MYO6: variants seen among roughly 807,000 people sequenced by gnomAD.
MYO6 encodes myosin VI.
Under a neutral mutation model 178.7 loss-of-function variants are expected in MYO6, and 74 were observed. The ratio of observed to expected loss-of-function variants is 0.41; its 90% CI spans 0.34 to 0.50. MYO6 has a LOEUF of 0.50. Among genes scored for constraint, MYO6 ranks in the 20% least tolerant of loss-of-function variants. The pLI is 0.09. For missense variants in MYO6, 1,330 were observed against 1,547.4 expected (o/e 0.86, Z 2.36); for synonymous variants, 477 against 504.6 (o/e 0.95, Z 0.73).
At chr6:75,908,409 T>C in intron 31 of MYO6, 87 bp from the exon 32 acceptor site, 5 of 1,309,232 alleles carry the variant, frequency 3.8e-6, no homozygotes, top group Non-Finnish European at 5.4e-6. Context: ...TAAAAAAATC[T>C]CCTTATGCGA....
Position 75,757,072 on chromosome 6 carries a change from AGT to A in MYO6, c.-48+7654_-48+7655del, listed in dbSNP as rs922407794. Among the ~76,000 whole-genome samples the A allele has an allele frequency of 3.5e-3, 510 of 144,176 alleles. 5 individuals are homozygous for A. The highest frequency in any genetic ancestry group is 0.013 in the African/African-American group (496 of 39,178). The allele number at this position is 144,176 out of a possible 152,430, so 94.6% of individuals were successfully genotyped here. A position where few individuals can be genotyped will look rare whatever the true frequency, so the allele number is the denominator to read the frequency against. ...TGTATATATGTATACACACATATATAGTGTGTATATATATGTATACGCAATAT... is the reference window on the plus strand; with the variant it reads ...TGTATATATGTATACACACATATATAGTGTATATATATGTATACGCAATAT... On this transcript the variant is annotated intron_variant, in intron 1 of 34. Coordinates refer to ENST00000369977, the MANE Select transcript of MYO6 (RefSeq NM_004999.4).
Position 75,915,064 on chromosome 6 carries a change from G to A in MYO6, c.*52G>A. ...GAGCCTTTGCCATGGTACTTAGGTA[G>A]GGTGTGTGCCCCCAGATTTAACCAT... On this transcript the variant is annotated 3_prime_UTR_variant, in exon 35 of 35. Coordinates refer to ENST00000369977, the MANE Select transcript of MYO6 (RefSeq NM_004999.4). 6.6e-7 allele frequency: 1 copy of A among 1,516,490 alleles called. No homozygotes were observed. Among genetic ancestry groups the A allele is most frequent in the South Asian group, 1.2e-5 (1 of 85,344 alleles). 93.9% of individuals were successfully genotyped at this position (1,516,490 alleles called of 1,614,324 possible). A position where few individuals can be genotyped will look rare whatever the true frequency, so the allele number is the denominator to read the frequency against.
chr6:75,865,581 T>G (rs1316882279), intron 16 of MYO6, among the ~76,000 whole-genome samples: 1 of 151,702 alleles, frequency 6.6e-6, no homozygotes, highest in Non-Finnish European at 1.5e-5. Context: ...CTCAGGCTGG[T>G]CTCAAACTCC....
chr6:75,766,023 G>A lies in MYO6; in HGVS notation c.-48+16600G>A, dbSNP rs1011760424. 3.3e-5 allele frequency among the ~76,000 whole-genome samples: 5 copies of A among 151,946 alleles called. No homozygotes were observed. The East Asian group carries it at 5.8e-4, about 18-fold the overall frequency. On this transcript the variant is annotated intron_variant, in intron 1 of 34. Transcript: ENST00000369977. Reference sequence around the variant, plus strand: ...AGCCTGGGCAACAGAGTGAGACTCCGTCTCAAAGAAAAAAGCAGGCTGGGC... The same window carrying A: ...AGCCTGGGCAACAGAGTGAGACTCCATCTCAAAGAAAAAAGCAGGCTGGGC...
intron 34 of MYO6, among the ~76,000 whole-genome samples, chr6:75,914,544 A>G (rs1781007271): frequency 6.6e-6 from 1 of 152,064 alleles, no homozygotes; most frequent in Non-Finnish European, 1.5e-5. Context: ...ATATCCATTG[A>G]TTTGTAGTGG....
At chr6:75,887,510 G>A (rs12215965) in intron 25 of MYO6, among the ~76,000 whole-genome samples, 19,695 of 151,570 alleles carry the variant, frequency 0.13, 1,358 homozygotes, top group Non-Finnish European at 0.15. Flanking sequence ...GTGTGGTGGC[G>A]TGCACCTGTA....
At chr6:75,852,439 A>G (rs774584634) in intron 11 of MYO6, among the ~76,000 whole-genome samples, 5 of 152,136 alleles carry the variant, frequency 3.3e-5, no homozygotes, top group Non-Finnish European at 7.4e-5. Context: ...TTGTGCAACC[A>G]TCACCATAGA....
chr6:75,797,339 CG>C (rs1768968999), intron 1 of MYO6, among the ~76,000 whole-genome samples: 1 of 151,784 alleles, frequency 6.6e-6, no homozygotes, highest in South Asian at 2.1e-4. Context: ...GTGATCCACC[CG>C]CCTTGGCCTC....
intron 1 of MYO6, among the ~76,000 whole-genome samples, chr6:75,751,778 CTT>C (rs1776918439): frequency 6.6e-6 from 1 of 151,906 alleles, no homozygotes. Flanking sequence ...GTTTTAAAGA[CTT>C]TGACCATGTG....
intron 1 of MYO6, among the ~76,000 whole-genome samples, chr6:75,789,367 A>G (rs963287242): frequency 1.3e-5 from 2 of 152,218 alleles, no homozygotes; most frequent in African/African-American, 4.8e-5. Flanking sequence ...TCCTCATAAC[A>G]GGTTTCATGT....
intron 16 of MYO6, among the ~76,000 whole-genome samples, chr6:75,865,075 T>C (rs936170265): frequency 6.6e-6 from 1 of 152,098 alleles, no homozygotes; most frequent in South Asian, 2.1e-4. Context: ...AGCAAGCCTC[T>C]AAGGTTCCCA....
chr6:75,876,715 T>A (rs1449584935), intron 20 of MYO6, among the ~76,000 whole-genome samples: 1 of 152,174 alleles, frequency 6.6e-6, no homozygotes, highest in Non-Finnish European at 1.5e-5. Flanking sequence ...GTTGGCACTT[T>A]AACAGATAAT....
intron 23 of MYO6, 104 bp from the exon 24 acceptor site, chr6:75,885,900 A>G: frequency 1.4e-6 from 1 of 725,188 alleles, no homozygotes; most frequent in South Asian, 1.7e-5. Flanking sequence ...GGTCGTCAAG[A>G]TTTCATGTTT....
intron 1 of MYO6, among the ~76,000 whole-genome samples, chr6:75,787,714 C>A (rs1583074043): frequency 4.9e-5 from 3 of 61,488 alleles, no homozygotes; most frequent in Non-Finnish European, 9.4e-5. Context: ...CTCTCTCTCT[C>A]TCTCTCTCTC....
intron 1 of MYO6, among the ~76,000 whole-genome samples, chr6:75,802,673 A>G (rs1353488472): frequency 2.6e-5 from 4 of 151,648 alleles, no homozygotes; most frequent in African/African-American, 4.8e-5. Flanking sequence ...TTTTGTAGAG[A>G]CAGGGATCTC....
chr6:75,862,795 G>T, intron 16 of MYO6, 72 bp downstream of exon 16: 7 of 1,507,234 alleles, frequency 4.6e-6, no homozygotes, highest in Non-Finnish European at 6.5e-6. Context: ...TTAGCTATTA[G>T]ATATTACTAG....
intron 1 of MYO6, among the ~76,000 whole-genome samples, chr6:75,754,222 C>T (rs930522523): frequency 6.6e-6 from 1 of 152,112 alleles, no homozygotes; most frequent in African/African-American, 2.4e-5. Flanking sequence ...TTTGTTATTT[C>T]ATTTGAAAAT....
Position 75,870,006 on chromosome 6 carries a change from C to T in MYO6, c.1945-641C>T, listed in dbSNP as rs541640445. 7.8e-4 allele frequency among the ~76,000 whole-genome samples: 118 copies of T among 151,558 alleles called. 1 individual carries two copies. The highest frequency in any genetic ancestry group is 1.4e-3 in the Non-Finnish European group (98 of 67,878). ...GTGGGCGCCTGTAATCCCAGCTACT[C>T]GGGAGGCTGAGGCAGGAGAATGGCG... On this transcript the variant is annotated intron_variant, in intron 18 of 34. Transcript: ENST00000369977.
chr6:75,780,274 C>G (rs1221716510), intron 1 of MYO6, among the ~76,000 whole-genome samples: 1 of 152,132 alleles, frequency 6.6e-6, no homozygotes, highest in Non-Finnish European at 1.5e-5. Context: ...AACCCTGTCT[C>G]TACTAAAAAA....
Sources: gnomAD v4.1 joint callset for allele counts (sites outside exome capture counted in the v4.1 genomes callset) on GRCh38, gnomAD v4.1.1 for gene constraint, MANE v1.5 for transcripts, NCBI Gene and HGNC (gene_info 2026-07-23, HGNC 2026-07-21) for gene names.